Variants in MMP16 observed in about 807,000 individuals in gnomAD.
MMP16 encodes the protein matrix metalloproteinase-16.
A neutral mutation model predicts 67.8 loss-of-function variants in MMP16; 12 were observed. That is an observed-to-expected ratio of 0.18 (90% confidence interval 0.11 to 0.29). The LOEUF (loss-of-function observed/expected upper bound fraction) is 0.29, where lower values mean the gene tolerates loss of function less well. Among genes scored for constraint, MMP16 ranks in the 10% least tolerant of loss-of-function variants. MMP16 has a pLI of 1.00. For synonymous variants in MMP16, 249 were observed against 255.9 expected, an observed-to-expected ratio of 0.97 and a Z score of 0.26; for missense variants, 475 against 765.7, an observed-to-expected ratio of 0.62 and a Z score of 4.48.
intron 1 of MMP16, among the ~76,000 whole-genome samples, chr8:88,199,282 C>A (rs1427979321): frequency 6.6e-6 from 1 of 151,978 alleles, no homozygotes; most frequent in African/African-American, 2.4e-5. Context: ...ATAAAAAATA[C>A]ATATTTGATT....
chr8:88,062,457 C>G (rs540285322), intron 7 of MMP16, among the ~76,000 whole-genome samples: 1 of 152,218 alleles, frequency 6.6e-6, no homozygotes, highest in East Asian at 1.9e-4. Context: ...CACATATACA[C>G]CATGGAATAC....
intron 1 of MMP16, among the ~76,000 whole-genome samples, chr8:88,278,574 G>C (rs1336381492): frequency 6.6e-6 from 1 of 152,178 alleles, no homozygotes; most frequent in African/African-American, 2.4e-5. Context: ...GAAAGACATG[G>C]AAGTGAAACT....
At chr8:88,260,244 C>A (rs1318308386) in intron 1 of MMP16, among the ~76,000 whole-genome samples, 1 of 152,034 alleles carries the variant, frequency 6.6e-6, no homozygotes, top group Non-Finnish European at 1.5e-5. Flanking sequence ...ATTGTCATTC[C>A]TATGAAACAG....
chr8:88,281,760 C>T (rs78452452), intron 1 of MMP16, among the ~76,000 whole-genome samples: 2,715 of 152,224 alleles, frequency 0.018, 80 homozygotes, highest in African/African-American at 0.062. Flanking sequence ...TTCCCCAGCC[C>T]ACCATGTTTT....
At chr8:88,286,683 C>A (rs994027003) in intron 1 of MMP16, among the ~76,000 whole-genome samples, 3 of 152,054 alleles carry the variant, frequency 2.0e-5, no homozygotes, top group African/African-American at 7.2e-5. Context: ...TCATGCCATT[C>A]TCCTGCCTCA....
intron 4 of MMP16, among the ~76,000 whole-genome samples, chr8:88,145,657 A>G (rs1019254612): frequency 9.9e-5 from 15 of 151,936 alleles, no homozygotes; most frequent in Non-Finnish European, 1.8e-4. Context: ...GTAGATTCCA[A>G]TGGGCCCTAA....
Position 88,286,410 on chromosome 8 carries a change from A to T in MMP16, c.132+40665T>A, listed in dbSNP as rs572044847. Among the ~76,000 whole-genome samples, 4 of 152,164 alleles carry T rather than the reference A, an allele frequency of 2.6e-5. No individual in the cohort carries two copies. In the South Asian group the frequency reaches 8.3e-4, roughly 32 times the overall value. On this transcript the variant is annotated intron_variant, in intron 1 of 9. Transcript: ENST00000286614. The stretch of plus-strand genomic sequence containing the variant: ...CAGTCCAACCAAAACCTTTCCATTG[A>T]GCTCAAATAAGTATTAAAAATTGTT...
intron 4 of MMP16, among the ~76,000 whole-genome samples, chr8:88,143,429 T>A (rs933351996): frequency 6.6e-6 from 1 of 152,136 alleles, no homozygotes; most frequent in African/African-American, 2.4e-5. Flanking sequence ...TTCTACTACT[T>A]GAGTAAAATC....
chr8:88,084,885 A>G (rs1398542552), intron 6 of MMP16, among the ~76,000 whole-genome samples: 2 of 152,004 alleles, frequency 1.3e-5, no homozygotes, highest in Non-Finnish European at 2.9e-5. Flanking sequence ...ATGTAAGTTT[A>G]TTAAACCTCC....
chr8:88,234,816 T>A (rs1809915422), intron 1 of MMP16, among the ~76,000 whole-genome samples: 1 of 152,230 alleles, frequency 6.6e-6, no homozygotes, highest in African/African-American at 2.4e-5. Flanking sequence ...CTGCCCTTTA[T>A]TCCACTTATT....
intron 1 of MMP16, among the ~76,000 whole-genome samples, chr8:88,258,281 A>G (rs533826936): frequency 6.6e-6 from 1 of 152,324 alleles, no homozygotes; most frequent in Admixed American, 6.5e-5. Flanking sequence ...TTCAAGAAGA[A>G]AGATGATTAA....
chr8:88,254,480 A>T (rs1343977928), intron 1 of MMP16, among the ~76,000 whole-genome samples: 1 of 152,082 alleles, frequency 6.6e-6, no homozygotes, highest in Non-Finnish European at 1.5e-5. Context: ...GGAAAAAAAA[A>T]AAAGAAGCAA....
At chr8:88,287,405 A>G (rs1810849253) in intron 1 of MMP16, among the ~76,000 whole-genome samples, 1 of 152,190 alleles carries the variant, frequency 6.6e-6, no homozygotes. Context: ...TGTTAGGAGA[A>G]ACTTGCCACT....
intron 1 of MMP16, among the ~76,000 whole-genome samples, chr8:88,294,987 A>AC (rs1372563351): frequency 6.6e-6 from 1 of 152,222 alleles, no homozygotes; most frequent in Non-Finnish European, 1.5e-5. Context: ...TGCTGGCATT[A>AC]CAGGCATGAG....
chr8:88,069,890 T>C lies in MMP16; in HGVS notation c.1222+4715A>G, dbSNP rs1397697756. Among the ~76,000 whole-genome samples the C allele has an allele frequency of 5.9e-5, 9 of 152,250 alleles. No individual in the cohort carries two copies. In the South Asian group the frequency reaches 1.0e-3, roughly 18 times the overall value. Reference sequence around the variant, plus strand: ...AGACCCTTTACAGTTCTTGAAAATATACAGAAATACAATTAAATGTTTACT... The same window carrying C: ...AGACCCTTTACAGTTCTTGAAAATACACAGAAATACAATTAAATGTTTACT... On this transcript the variant is annotated intron_variant, in intron 7 of 9. Transcript: ENST00000286614.
chr8:88,090,616 ATT>A, intron 6 of MMP16, among the ~76,000 whole-genome samples: 1 of 151,668 alleles, frequency 6.6e-6, no homozygotes, highest in Non-Finnish European at 1.5e-5. Flanking sequence ...ATGACTAAAA[ATT>A]GTCAATTCTT....
chr8:88,050,436 T>C (rs1444075652), intron 8 of MMP16, among the ~76,000 whole-genome samples: 3 of 152,248 alleles, frequency 2.0e-5, no homozygotes, highest in South Asian at 4.1e-4. Context: ...AGATTAGTTT[T>C]CTGAGAAGTA....
chr8:88,256,670 T>TCG (rs1810306006), intron 1 of MMP16, among the ~76,000 whole-genome samples: 1 of 147,398 alleles, frequency 6.8e-6, no homozygotes, highest in Non-Finnish European at 1.5e-5. Flanking sequence ...CCCATCTCTC[T>TCG]CTCTCTCTCT....
intron 4 of MMP16, among the ~76,000 whole-genome samples, chr8:88,142,851 G>C (rs763632616): frequency 3.3e-5 from 5 of 152,088 alleles, no homozygotes; most frequent in Non-Finnish European, 5.9e-5. Context: ...GTCAGTTTAA[G>C]GGATGTTAAA....
Sources: allele counts gnomAD v4.1 joint callset (sites outside exome capture counted in the v4.1 genomes callset), GRCh38; gene constraint gnomAD v4.1.1; transcripts MANE v1.5; gene names NCBI Gene and HGNC (gene_info 2026-07-23, HGNC 2026-07-21).